MED12L: variants seen among roughly 807,000 people sequenced by gnomAD.
MED12L encodes the protein mediator complex subunit 12L, also known as mediator of RNA polymerase II transcription subunit 12-like protein.
In MED12L, 60 loss-of-function variants were observed where a neutral mutation model predicts 281.3. That is an observed-to-expected ratio of 0.21 (90% CI 0.17 to 0.26). The LOEUF (loss-of-function observed/expected upper bound fraction) is 0.26. MED12L is among the 10% of genes least tolerant of loss of function. MED12L has a pLI of 1.00. For missense variants in MED12L, 2,146 were observed against 2,680.9 expected, an observed-to-expected ratio of 0.80 and a Z score of 4.41; for synonymous variants, 974 against 987.2, an observed-to-expected ratio of 0.99 and a Z score of 0.25.
At chr3:151,186,694 T>G (rs1363331566) in intron 12 of MED12L, among the ~76,000 whole-genome samples, 1 of 152,200 alleles carries the variant, frequency 6.6e-6, no homozygotes, top group Non-Finnish European at 1.5e-5. Context: ...GGGAAGGTCT[T>G]CCATCACCAC....
At chr3:151,256,539 T>G (rs1295673033) in intron 16 of MED12L, among the ~76,000 whole-genome samples, 3 of 152,162 alleles carry the variant, frequency 2.0e-5, no homozygotes, top group Non-Finnish European at 4.4e-5. Flanking sequence ...CCACAGAAAT[T>G]AGGGTTTTGC....
At chr3:151,198,719 A>G (rs1725053939) in intron 16 of MED12L, 2 of 1,613,548 alleles carry the variant, frequency 1.2e-6, no homozygotes, top group Admixed American at 1.7e-5. Flanking sequence ...AAGTATGTTG[A>G]TGAGAGCCTT....
chr3:151,092,421 C>T (rs1054227474), intron 2 of MED12L, among the ~76,000 whole-genome samples: 10 of 152,288 alleles, frequency 6.6e-5, no homozygotes, highest in Admixed American at 1.3e-4. Flanking sequence ...CATCTGTGAA[C>T]GGCCTAGTGC....
intron 16 of MED12L, among the ~76,000 whole-genome samples, chr3:151,219,840 T>A (rs1728971393): frequency 6.6e-6 from 1 of 151,014 alleles, no homozygotes; most frequent in South Asian, 2.1e-4. Context: ...TGTGGGAAAC[T>A]TAAACTCTGA....
At position 151,295,170 on chromosome 3, in the gene MED12L, T is replaced by C. The variant is rs893332584; in HGVS notation, c.2251-54889T>C. On this transcript the variant is annotated intron_variant, in intron 16 of 44. Transcript: ENST00000687756. ...GTGTTCTTTCCTGGCCCGTCGCTCC[T>C]GTTGCCTGAATTGTGACTCTCTTGG... The C allele has an allele frequency of 2.0e-5, 33 of 1,612,052 alleles. 1 individual carries two copies. The Admixed American group carries it at 4.3e-4, about 21-fold the overall frequency.
At chr3:151,119,626 C>G (rs1270365666) in intron 3 of MED12L, among the ~76,000 whole-genome samples, 1 of 152,140 alleles carries the variant, frequency 6.6e-6, no homozygotes, top group Non-Finnish European at 1.5e-5. Flanking sequence ...GCAATTTAGT[C>G]TCATAACAGA....
At chr3:151,414,332 C>T (rs1227248732) in intron 42 of MED12L, among the ~76,000 whole-genome samples, 1 of 152,170 alleles carries the variant, frequency 6.6e-6, no homozygotes, top group Admixed American at 6.5e-5. Context: ...TACACACTTA[C>T]TTTATATACT....
At chr3:151,307,552 TGTGTGTGTG>T (rs1746859750) in intron 16 of MED12L, among the ~76,000 whole-genome samples, 1 of 142,416 alleles carries the variant, frequency 7.0e-6, no homozygotes, top group Non-Finnish European at 1.5e-5. Context: ...TGTGTGTGTG[TGTGTGTGTG>T]TGTGTGTGTG....
At chr3:151,361,879 C>G (rs1754650191) in intron 21 of MED12L, among the ~76,000 whole-genome samples, 1 of 152,082 alleles carries the variant, frequency 6.6e-6, no homozygotes, top group African/African-American at 2.4e-5. Context: ...CTTGCTACCC[C>G]CACAGGCAGC....
At chr3:151,216,149 C>G (rs1728174718) in intron 16 of MED12L, among the ~76,000 whole-genome samples, 2 of 152,170 alleles carry the variant, frequency 1.3e-5, no homozygotes, top group African/African-American at 4.8e-5. Context: ...CATTTTTTTA[C>G]TCTTGAATTC....
intron 16 of MED12L, among the ~76,000 whole-genome samples, chr3:151,286,456 A>G (rs1230051167): frequency 6.6e-6 from 1 of 152,206 alleles, no homozygotes; most frequent in Non-Finnish European, 1.5e-5. Context: ...AAAAAACTTC[A>G]AGCAATAGGC....
At chr3:151,106,818 T>C (rs1340948731) in intron 2 of MED12L, among the ~76,000 whole-genome samples, 1 of 152,256 alleles carries the variant, frequency 6.6e-6, no homozygotes, top group African/African-American at 2.4e-5. Context: ...ATATCTGATA[T>C]TAATACAGCT....
At chr3:151,308,772 G>A (rs1442168504) in intron 16 of MED12L, among the ~76,000 whole-genome samples, 1 of 152,122 alleles carries the variant, frequency 6.6e-6, no homozygotes, top group Non-Finnish European at 1.5e-5. Context: ...TGGGCTGTGG[G>A]ATATGGTGCA....
At position 151,377,114 on chromosome 3, in the gene MED12L, C is replaced by A; in HGVS notation, c.4252C>A (p.Pro1418Thr). 6.2e-7 allele frequency: 1 copy of A among 1,614,020 alleles called. No homozygotes were observed. The highest frequency in any genetic ancestry group is 1.1e-5 in the South Asian group (1 of 91,076). Residue 1418 changes from proline to threonine, a missense_variant, in exon 30 of 45, where the codon CCA becomes ACA. Transcript: ENST00000687756. The part of the protein sequence containing the change: ...SSNSGMSLFN[P>T]NSIGSADTSS... ...TAATTCTGGCATGAGCCTCTTCAAC[C>A]CAAACAGTATTGGAAGTGCTGATAC... is the stretch of plus-strand genomic sequence containing the variant.
At chr3:151,368,355 T>G in intron 25 of MED12L, 104 bp downstream of exon 25, 1 of 962,234 alleles carries the variant, frequency 1.0e-6, no homozygotes. Flanking sequence ...CTTAATTTTT[T>G]GGGCATGCCC....
At chr3:151,113,279 G>C (rs998513836) in intron 2 of MED12L, among the ~76,000 whole-genome samples, 1 of 152,184 alleles carries the variant, frequency 6.6e-6, no homozygotes, top group Non-Finnish European at 1.5e-5. Context: ...CAAAATCCCT[G>C]ATTAGAGAAT....
intron 16 of MED12L, among the ~76,000 whole-genome samples, chr3:151,222,864 T>C (rs186648704): frequency 6.6e-6 from 1 of 152,324 alleles, no homozygotes; most frequent in East Asian, 1.9e-4. Context: ...CAAGAAAAAT[T>C]ATATTCCAAG....
chr3:151,327,636 G>T, intron 16 of MED12L: 1 of 160,434 alleles, frequency 6.2e-6, no homozygotes, highest in Non-Finnish European at 1.3e-5. Flanking sequence ...TGTGAATTGT[G>T]GAAAAGAATG....
intron 11 of MED12L, among the ~76,000 whole-genome samples, chr3:151,170,085 T>G (rs922889803): frequency 6.6e-6 from 1 of 152,140 alleles, no homozygotes; most frequent in Non-Finnish European, 1.5e-5. Flanking sequence ...AGTTTCAGTA[T>G]TGGTGAAAGC....
Sources: allele counts gnomAD v4.1 joint callset (sites outside exome capture counted in the v4.1 genomes callset), GRCh38; gene constraint gnomAD v4.1.1; transcripts MANE v1.5; gene names NCBI Gene and HGNC (gene_info 2026-07-23, HGNC 2026-07-21).